Variants in PXDNL observed in about 807,000 individuals in gnomAD.
PXDNL encodes peroxidasin like.
Under a neutral mutation model 150.8 loss-of-function variants are expected in PXDNL, and 145 were observed. The ratio of observed to expected loss-of-function variants is 0.96; its 90% CI spans 0.84 to 1.10. The LOEUF (loss-of-function observed/expected upper bound fraction) is 1.10. Ranked by LOEUF, PXDNL falls within the 50% of genes least tolerant of loss-of-function variation. PXDNL has a pLI of 0.00. For missense variants in PXDNL, 2,087 were observed against 1,873.9 expected (o/e 1.11, Z -2.10); for synonymous variants, 757 against 725.7 (o/e 1.04, Z -0.69).
At chr8:51,806,047 T>C (rs1405525156) in intron 1 of PXDNL, among the ~76,000 whole-genome samples, 1 of 152,228 alleles carries the variant, frequency 6.6e-6, no homozygotes, top group East Asian at 1.9e-4. Flanking sequence ...AGCAGGCTTT[T>C]TGGTAAATGA....
chr8:51,546,182 C>T (rs1024404877), intron 4 of PXDNL, among the ~76,000 whole-genome samples: 2 of 152,180 alleles, frequency 1.3e-5, no homozygotes, highest in Non-Finnish European at 1.5e-5. Flanking sequence ...ACTGTGAGTT[C>T]CTAAATTGTT....
chr8:51,608,400 A>AG (rs1554557628), intron 2 of PXDNL, among the ~76,000 whole-genome samples: 2 of 143,334 alleles, frequency 1.4e-5, no homozygotes, highest in Non-Finnish European at 3.0e-5. Flanking sequence ...AAAAAAAAAA[A>AG]AAAGAAAGAA....
At chr8:51,589,686 C>T (rs116367434) in intron 3 of PXDNL, among the ~76,000 whole-genome samples, 2 of 152,064 alleles carry the variant, frequency 1.3e-5, no homozygotes, top group African/African-American at 2.4e-5. Flanking sequence ...ATGTCTCATG[C>T]GAGAAATATC....
intron 21 of PXDNL, among the ~76,000 whole-genome samples, chr8:51,322,562 T>G (rs561961896): frequency 6.6e-6 from 1 of 152,024 alleles, no homozygotes; most frequent in African/African-American, 2.4e-5. Context: ...TGTGGCAACA[T>G]GAAGGATCAC....
At chr8:51,741,938 A>T (rs1398429687) in intron 1 of PXDNL, among the ~76,000 whole-genome samples, 1 of 152,240 alleles carries the variant, frequency 6.6e-6, no homozygotes, top group Admixed American at 6.5e-5. Context: ...ACCTTTACAT[A>T]AAAGATCACA....
intron 21 of PXDNL, among the ~76,000 whole-genome samples, chr8:51,327,908 C>G (rs1805565204): frequency 6.6e-6 from 1 of 152,188 alleles, no homozygotes; most frequent in Non-Finnish European, 1.5e-5. Flanking sequence ...AGGCAGCAAC[C>G]AAGATCTGCT....
intron 12 of PXDNL, among the ~76,000 whole-genome samples, chr8:51,432,111 GTT>G (rs1428717084): frequency 6.6e-6 from 1 of 152,108 alleles, no homozygotes; most frequent in African/African-American, 2.4e-5. Context: ...AGAGTTAAAT[GTT>G]TTAAATATTA....
intron 14 of PXDNL, among the ~76,000 whole-genome samples, chr8:51,417,946 A>T (rs1426347824): frequency 6.6e-6 from 1 of 152,242 alleles, no homozygotes; most frequent in Admixed American, 6.5e-5. Flanking sequence ...GTTTAAGGTT[A>T]TGGTGCTTAG....
At chr8:51,347,673 C>T (rs10110031) in intron 19 of PXDNL, among the ~76,000 whole-genome samples, 2 of 151,266 alleles carry the variant, frequency 1.3e-5, no homozygotes, top group East Asian at 3.9e-4. Flanking sequence ...TTCTGGAGGC[C>T]GGGTGCAGTG....
intron 18 of PXDNL, among the ~76,000 whole-genome samples, chr8:51,372,749 C>A (rs1807164462): frequency 6.6e-6 from 1 of 152,148 alleles, no homozygotes; most frequent in South Asian, 2.1e-4. Context: ...AACATTAACA[C>A]GTTTGCCTAA....
rs1465997870 is a variant in PXDNL at position 51,343,820 on chromosome 8, A to G, written c.4016+2013T>C. On this transcript the variant is annotated intron_variant, in intron 20 of 22. Transcript: ENST00000356297. ...CTGGTAAAACGCTTCACCTGAATCA[A>G]TGGAAAAACAGATGAAATGCCAAAT... Among the ~76,000 whole-genome samples the G allele has an allele frequency of 1.1e-4, 16 of 152,314 alleles. 1 individual carries two copies. The Middle Eastern group carries it at 0.017, about 162-fold the overall frequency.
chr8:51,601,732 T>C (rs1813725604), intron 2 of PXDNL, among the ~76,000 whole-genome samples: 2 of 151,960 alleles, frequency 1.3e-5, no homozygotes, highest in African/African-American at 4.8e-5. Context: ...TTAATATTCA[T>C]ATGTAAGAGT....
At chr8:51,606,557 T>G (rs1204447332) in intron 2 of PXDNL, among the ~76,000 whole-genome samples, 1 of 152,162 alleles carries the variant, frequency 6.6e-6, no homozygotes, top group Non-Finnish European at 1.5e-5. Flanking sequence ...TTAAAGAAGT[T>G]CAAACTAGCC....
At chr8:51,465,095 C>G (rs1304404296) in intron 8 of PXDNL, among the ~76,000 whole-genome samples, 1 of 151,804 alleles carries the variant, frequency 6.6e-6, no homozygotes, top group Non-Finnish European at 1.5e-5. Flanking sequence ...GGCAGAGACA[C>G]AACAAAAAAG....
chr8:51,437,433 T>A (rs1809434960), intron 12 of PXDNL, among the ~76,000 whole-genome samples: 1 of 151,922 alleles, frequency 6.6e-6, no homozygotes, highest in South Asian at 2.1e-4. Context: ...GATGCAAAAA[T>A]CCTTAACAAA....
chr8:51,430,810 T>G lies in PXDNL; in HGVS notation c.1526-4052A>C, dbSNP rs117524425. 7.2e-5 allele frequency among the ~76,000 whole-genome samples: 11 copies of G among 152,368 alleles called. No individual in the cohort carries two copies. The East Asian group carries it at 2.1e-3, about 29-fold the overall frequency. ...ATTCAACAACTCTCCACCATTTTCT[T>G]GCATTTCTTCTCACAAAATATCTGC... On this transcript the variant is annotated intron_variant, in intron 12 of 22. Coordinates refer to ENST00000356297, the MANE Select transcript of PXDNL (RefSeq NM_144651.5).
chr8:51,484,939 T>C (rs1026006245), intron 5 of PXDNL, among the ~76,000 whole-genome samples: 8 of 152,200 alleles, frequency 5.3e-5, no homozygotes, highest in Non-Finnish European at 1.2e-4. Context: ...GTCTCTGCAA[T>C]ATAGAGAAAA....
At chr8:51,550,797 G>A (rs975075843) in intron 4 of PXDNL, among the ~76,000 whole-genome samples, 1 of 152,062 alleles carries the variant, frequency 6.6e-6, no homozygotes, top group Non-Finnish European at 1.5e-5. Flanking sequence ...ATTCAGCATA[G>A]TACTGGAAGT....
At chr8:51,602,059 T>C (rs1813735272) in intron 2 of PXDNL, among the ~76,000 whole-genome samples, 1 of 152,024 alleles carries the variant, frequency 6.6e-6, no homozygotes, top group Non-Finnish European at 1.5e-5. Flanking sequence ...CCCCAAACTC[T>C]CCTCACTTGC....
Sources: allele counts gnomAD v4.1 joint callset (sites outside exome capture counted in the v4.1 genomes callset), GRCh38; gene constraint gnomAD v4.1.1; transcripts MANE v1.5; gene names NCBI Gene and HGNC (gene_info 2026-07-23, HGNC 2026-07-21).